The following CUL4B variants were observed in gnomAD, a reference collection of about 807,000 sequenced individuals.
CUL4B encodes the protein cullin-4B.
A neutral mutation model predicts 69.2 loss-of-function variants in CUL4B; 1 was observed. The ratio of observed to expected loss-of-function variants is 0.01; its 90% CI spans 0.01 to 0.07. The LOEUF is 0.07. Ranked by LOEUF, CUL4B falls within the 10% of genes least tolerant of loss-of-function variation. The pLI is 1.00. For synonymous variants in CUL4B, 237 were observed against 223.2 expected (o/e 1.06, Z -0.55); for missense variants, 328 against 638.8 (o/e 0.51, Z 5.24).
chrX:120,567,600 C>T (rs1302392531), downstream of CUL4B, among the ~76,000 whole-genome samples: 3 of 106,671 alleles, frequency 2.8e-5, no homozygotes, highest in African/African-American at 1.0e-4. Flanking sequence ...TGGCCAGGTG[C>T]GGTGGCTCAT....
Position 120,525,371 on chromosome X carries a change from A to C in CUL4B, c.*1390T>G, listed in dbSNP as rs1281810426. Reference sequence around the variant, plus strand: ...GTTCTGATTTTTAACAAACATAAACAAAATTTTCTGCTTCTCCTCCCTTCA... The same window carrying C: ...GTTCTGATTTTTAACAAACATAAACCAAATTTTCTGCTTCTCCTCCCTTCA... On this transcript the variant is annotated 3_prime_UTR_variant, in exon 20 of 20. Coordinates refer to ENST00000371322, the MANE Select transcript of CUL4B (RefSeq NM_001079872.2). The C allele has an allele frequency of 9.0e-6, 1 of 111,723 alleles. No homozygotes were observed. Among genetic ancestry groups the C allele is most frequent in the African/African-American group, 3.2e-5 (1 of 30,812 alleles). The allele number at this position is 111,723 out of a possible 1,213,427, so 9.2% of individuals were successfully genotyped here.
At chrX:120,542,878 T>A in intron 9 of CUL4B, 88 bp downstream of exon 9, 1 of 682,363 alleles carries the variant, frequency 1.5e-6, no homozygotes, top group South Asian at 2.4e-5. Context: ...GCTATCAAAC[T>A]TTTAAAAGGG....
intron 2 of CUL4B, among the ~76,000 whole-genome samples, chrX:120,555,362 C>G (rs1168122295): frequency 9.0e-6 from 1 of 111,556 alleles, no homozygotes; most frequent in African/African-American, 3.3e-5. Context: ...CCAGCATATC[C>G]AAATAAACAC....
intron 9 of CUL4B, among the ~76,000 whole-genome samples, 185 bp downstream of exon 9, chrX:120,542,781 G>A (rs1454326343): frequency 1.8e-5 from 2 of 110,859 alleles, no homozygotes; most frequent in East Asian, 5.6e-4. Context: ...TCTAGTTCCT[G>A]TATCTTTCAG....
At position 120,571,195 on chromosome X, in the gene CUL4B, TTAA is replaced by T. The variant is rs1330721777; in HGVS notation, c.*771_*773del. On this transcript the variant is annotated 3_prime_UTR_variant, in exon 3 of 3. Coordinates refer to the CUL4B transcript ENST00000486604. Reference sequence around the variant, plus strand: ...AGATGATAGATTCCTGGATGTTTATTTAATAATTATGCTCCATAAATTACACAT... The same window carrying T: ...AGATGATAGATTCCTGGATGTTTATTTAATTATGCTCCATAAATTACACAT... 3 of 111,655 alleles carry T rather than the reference TTAA, an allele frequency of 2.7e-5. No individual in the cohort carries two copies. The East Asian group carries it at 8.4e-4, about 31-fold the overall frequency. The allele number at this position is 111,655 out of a possible 1,213,427, so 9.2% of individuals were successfully genotyped here. A position where few individuals can be genotyped will look rare whatever the true frequency, so the allele number is the denominator to read the frequency against.
chrX:120,570,130 G>A (rs1040021330), downstream of CUL4B, among the ~76,000 whole-genome samples: 1 of 111,826 alleles, frequency 8.9e-6, no homozygotes, highest in Non-Finnish European at 1.9e-5. Flanking sequence ...TTGGAGCTGT[G>A]GCTACAGATA....
chrX:120,541,836 T>C (rs1451081528), intron 9 of CUL4B, 116 bp from the exon 10 acceptor site: 6 of 533,499 alleles, frequency 1.1e-5, no homozygotes, highest in African/African-American at 9.1e-5. Flanking sequence ...GTTTGAACTA[T>C]GACTAGTCTG....
rs779515448 is a variant in CUL4B, at chrX:120,574,548, C to T, written c.67+3G>A. ...CTTGAGTTTTACTAGTTCATTTACT[C>T]ACCACCGTCTTTAGAGGTAGTAGCC... On this transcript the variant is annotated splice_donor_region_variant and intron_variant, in intron 2 of 2. Coordinates refer to the CUL4B transcript ENST00000486604. 5.0e-6 allele frequency: 6 copies of T among 1,194,332 alleles called. No individual in the cohort carries two copies. In the East Asian group the frequency reaches 1.5e-4, roughly 30 times the overall value.
At chrX:120,532,933 T>C (rs1479005898) in intron 17 of CUL4B, among the ~76,000 whole-genome samples, 1 of 111,805 alleles carries the variant, frequency 8.9e-6, no homozygotes, top group Non-Finnish European at 1.9e-5. Flanking sequence ...TATCATACCA[T>C]GTGGGCAACT....
chrX:120,524,872 G>C lies in CUL4B; in HGVS notation c.*1889C>G, dbSNP rs1291413887. 1 of 111,478 alleles carries C rather than the reference G, an allele frequency of 9.0e-6. No homozygotes were observed. Among genetic ancestry groups the C allele is most frequent in the Non-Finnish European group, 1.9e-5 (1 of 53,008 alleles). The allele number at this position is 111,478 out of a possible 1,213,427, so 9.2% of individuals were successfully genotyped here. ...GGGACCCGCTTTCAAGATACTGAAG[G>C]TGACATCAAGAGTCTCCTCCTAACA... On this transcript the variant is annotated 3_prime_UTR_variant, in exon 20 of 20. Coordinates refer to ENST00000371322, the MANE Select transcript of CUL4B (RefSeq NM_001079872.2).
chrX:120,549,142 C>T (rs1371153513), intron 2 of CUL4B, among the ~76,000 whole-genome samples: 1 of 112,172 alleles, frequency 8.9e-6, no homozygotes, highest in African/African-American at 3.2e-5. Context: ...GAAAAAAATT[C>T]CATTAAAATG....
Position 120,536,013 on chromosome X carries a change from C to G in CUL4B, c.2047-70G>C, listed in dbSNP as rs768580074. On this transcript the variant is annotated intron_variant, in intron 15 of 19. Coordinates refer to ENST00000371322, the MANE Select transcript of CUL4B (RefSeq NM_001079872.2). ...ACCACATTTACCATTTTTATACTTA[C>G]CTCATGTGATATAGTTTCTGGAAAA... is the stretch of plus-strand genomic sequence containing the variant. The G allele has an allele frequency of 5.2e-6, 4 of 770,686 alleles. No individual in the cohort carries two copies. The East Asian group carries it at 1.3e-4, about 25-fold the overall frequency. 63.5% of individuals were successfully genotyped at this position (770,686 alleles called of 1,213,427 possible).
chrX:120,538,263 G>T (rs1363098711), intron 13 of CUL4B, 54 bp from the exon 14 acceptor site: 15 of 811,924 alleles, frequency 1.8e-5, no homozygotes, highest in Non-Finnish European at 2.7e-5. Context: ...AAACAAAAGA[G>T]GTTTAAAAGT....
chrX:120,539,465 G>T, intron 11 of CUL4B, 93 bp from the exon 12 acceptor site: 1 of 467,548 alleles, frequency 2.1e-6, no homozygotes, highest in Non-Finnish European at 3.6e-6. Flanking sequence ...GATACACTGA[G>T]TTTTTCAATA....
chrX:120,561,793 A>C (rs918276153), upstream of CUL4B, among the ~76,000 whole-genome samples: 1 of 111,074 alleles, frequency 9.0e-6, no homozygotes, highest in African/African-American at 3.3e-5. Flanking sequence ...TCATGCCATT[A>C]TGCCCGCTGC....
chrX:120,555,786 A>T (rs1924926120), intron 2 of CUL4B, among the ~76,000 whole-genome samples: 1 of 109,092 alleles, frequency 9.2e-6, no homozygotes, highest in Non-Finnish European at 1.9e-5. Flanking sequence ...TACTAAAAAT[A>T]CAAAAACTAG....
At chrX:120,563,027 G>A (rs183652073), upstream of CUL4B, among the ~76,000 whole-genome samples, 1 of 111,898 alleles carries the variant, frequency 8.9e-6, no homozygotes, top group Admixed American at 9.4e-5. Context: ...GTTTAAACAG[G>A]CCCACTTGTT....
chrX:120,562,162 A>G (rs1037830710), upstream of CUL4B, among the ~76,000 whole-genome samples: 8 of 111,841 alleles, frequency 7.2e-5, no homozygotes, highest in Admixed American at 5.7e-4. Flanking sequence ...CAACAAAGCT[A>G]AGACCCACTT....
At position 120,534,541 on chromosome X, in the gene CUL4B, G is replaced by A. The variant is rs771506428; in HGVS notation, c.2206C>T (p.Leu736=). Residue 736 remains leucine (L), a synonymous_variant, in exon 17 of 20, where the codon CTA becomes TTA. Transcript: ENST00000371322. ...QVSLFQTLVL[L]MFNEGEEFSL... ...AACTCCTCTCCCTCATTAAACATTA[G>A]CAGCACCAGTGTTTGAAAAAGAGAG... The A allele has an allele frequency of 2.5e-6, 3 of 1,206,393 alleles. No individual in the cohort carries two copies. Among genetic ancestry groups the A allele is most frequent in the Non-Finnish European group, 3.4e-6 (3 of 892,850 alleles).
Sources: allele counts gnomAD v4.1 joint callset (sites outside exome capture counted in the v4.1 genomes callset), GRCh38; gene constraint gnomAD v4.1.1; transcripts MANE v1.5; gene names NCBI Gene and HGNC (gene_info 2026-07-23, HGNC 2026-07-21).